Variants in CNST observed in about 807,000 individuals in gnomAD.
CNST encodes consortin, connexin sorting protein.
A neutral mutation model predicts 72.4 loss-of-function variants in CNST; 39 were observed. The ratio of observed to expected loss-of-function variants is 0.54; its 90% CI spans 0.42 to 0.70. The LOEUF is 0.70. CNST is among the 30% of genes least tolerant of loss of function. The pLI is 0.00. For missense variants in CNST, 871 were observed against 868.5 expected (o/e 1.00, Z -0.04); for synonymous variants, 332 against 320.1 (o/e 1.04, Z -0.40).
chr1:246,584,238 G>A (rs544999702), intron 1 of CNST, among the ~76,000 whole-genome samples: 6 of 152,308 alleles, frequency 3.9e-5, no homozygotes, highest in African/African-American at 1.4e-4. Flanking sequence ...TTCTTGTATA[G>A]GTATAAGAAT....
At chr1:246,663,336 T>C (rs1313775253) in intron 10 of CNST, among the ~76,000 whole-genome samples, 1 of 116,542 alleles carries the variant, frequency 8.6e-6, no homozygotes, top group Non-Finnish European at 1.8e-5. Context: ...ACCCTATGTC[T>C]AAAAAAAAAA....
chr1:246,614,059 A>C (rs1663519363), intron 2 of CNST, among the ~76,000 whole-genome samples: 1 of 152,062 alleles, frequency 6.6e-6, no homozygotes, highest in Non-Finnish European at 1.5e-5. Flanking sequence ...TTTATGCATC[A>C]GTAACACTAC....
At chr1:246,637,176 G>A (rs1306759959) in intron 6 of CNST, among the ~76,000 whole-genome samples, 1 of 152,226 alleles carries the variant, frequency 6.6e-6, no homozygotes, top group Non-Finnish European at 1.5e-5. Context: ...GGAGGAAGAA[G>A]TAGCCTTTGG....
intron 2 of CNST, among the ~76,000 whole-genome samples, chr1:246,596,174 A>G (rs944902138): frequency 6.6e-6 from 1 of 152,044 alleles, no homozygotes; most frequent in Admixed American, 6.6e-5. Context: ...GTAGCACTTT[A>G]AGAAGCCAAG....
At position 246,647,413 on chromosome 1, in the gene CNST, A is replaced by T; in HGVS notation, c.1212A>T (p.Gln404His). The T allele has an allele frequency of 6.2e-7, 1 of 1,614,126 alleles. No homozygotes were observed. Among genetic ancestry groups the T allele is most frequent in the South Asian group, 1.1e-5 (1 of 91,074 alleles). ...ATGACAGTCGCTTGCAGCTGGCTCA[A>T]ACAGAGGCCTGCCAGGATGTGGCCA... ...CEDDSRLQLAQTEACQDVARI... is the reference protein window; with the variant it reads ...CEDDSRLQLAHTEACQDVARI... The change falls in exon 9 of 11, where the codon CAA (glutamine) becomes CAT (histidine). Residue 404 changes from glutamine to histidine, a missense_variant. Coordinates refer to ENST00000366513, the MANE Select transcript of CNST (RefSeq NM_152609.3).
chr1:246,567,430 T>TA (rs1659782030), intron 1 of CNST, among the ~76,000 whole-genome samples: 1 of 152,030 alleles, frequency 6.6e-6, no homozygotes, highest in Admixed American at 6.6e-5. Context: ...GGATCAAACT[T>TA]AGAGCTTTTA....
intron 1 of CNST, among the ~76,000 whole-genome samples, chr1:246,584,682 G>T (rs773448577): frequency 6.6e-6 from 1 of 152,086 alleles, no homozygotes; most frequent in Non-Finnish European, 1.5e-5. Context: ...TCAGTAGACC[G>T]TCCCGGCAGC....
chr1:246,665,630 T>C (rs995906127), intron 10 of CNST, 70 bp from the exon 11 acceptor site: 4 of 1,285,122 alleles, frequency 3.1e-6, no homozygotes, highest in Non-Finnish European at 4.5e-6. Context: ...TCTTAATTAG[T>C]GAAAAGACAG....
At chr1:246,621,676 C>A in intron 3 of CNST, 42 bp downstream of exon 3, 1 of 1,508,800 alleles carries the variant, frequency 6.6e-7, no homozygotes, top group Non-Finnish European at 9.2e-7. Context: ...ACGAAAATTC[C>A]CCTAGCAGTG....
chr1:246,652,855 C>T (rs6426315), intron 9 of CNST, among the ~76,000 whole-genome samples: 127,336 of 141,750 alleles, frequency 0.9, 57,027 homozygotes, highest in Admixed American at 0.92. Context: ...ATACAAAAAA[C>T]TAGCCGGGCG....
chr1:246,599,976 CG>C (rs904453646), intron 2 of CNST, among the ~76,000 whole-genome samples: 1 of 152,114 alleles, frequency 6.6e-6, no homozygotes, highest in Non-Finnish European at 1.5e-5. Context: ...TCTAGCAAGA[CG>C]GGAGTCATAA....
chr1:246,645,356 C>G (rs1334631022), intron 8 of CNST, among the ~76,000 whole-genome samples: 1 of 149,436 alleles, frequency 6.7e-6, no homozygotes, highest in Non-Finnish European at 1.5e-5. Flanking sequence ...CATATTTTCT[C>G]TTTTATTTTC....
At chr1:246,655,272 T>C (rs1045354323) in intron 9 of CNST, among the ~76,000 whole-genome samples, 12 of 152,230 alleles carry the variant, frequency 7.9e-5, no homozygotes, top group African/African-American at 2.7e-4. Flanking sequence ...TCGACATTGA[T>C]GTACTTCATC....
intron 6 of CNST, among the ~76,000 whole-genome samples, chr1:246,637,440 G>A (rs912997016): frequency 5.9e-5 from 9 of 152,212 alleles, no homozygotes; most frequent in Non-Finnish European, 1.3e-4. Flanking sequence ...GATTAAGGAG[G>A]GTAAGTAATT....
In CNST at chr1:246,666,569, G is replaced by A. The variant is rs1281686202; in HGVS notation, c.*664G>A. 6.6e-6 allele frequency: 1 copy of A among 152,314 alleles called. No individual in the cohort carries two copies. Among genetic ancestry groups the A allele is most frequent in the Non-Finnish European group, 1.5e-5 (1 of 68,054 alleles). 9.4% of individuals were successfully genotyped at this position (152,314 alleles called of 1,614,324 possible). On this transcript the variant is annotated 3_prime_UTR_variant, in exon 11 of 11. Coordinates refer to ENST00000366513, the MANE Select transcript of CNST (RefSeq NM_152609.3). ...ACAAATCTTTGGAGAAGGCTTAACT[G>A]TGGAATAGATGAATTCTAGAACTCT...
intron 6 of CNST, among the ~76,000 whole-genome samples, chr1:246,640,621 G>A (rs963285402): frequency 2.6e-4 from 40 of 152,102 alleles, no homozygotes; most frequent in Non-Finnish European, 5.6e-4. Context: ...CCATTTTATG[G>A]ATAACTTTTT....
intron 1 of CNST, among the ~76,000 whole-genome samples, chr1:246,576,352 A>G (rs1462129554): frequency 7.1e-6 from 1 of 140,884 alleles, no homozygotes; most frequent in East Asian, 2.1e-4. Context: ...CCACTAGTGA[A>G]CAAAACTTTA....
intron 1 of CNST, among the ~76,000 whole-genome samples, chr1:246,573,052 TA>T (rs1660165707): frequency 6.6e-6 from 1 of 152,240 alleles, no homozygotes; most frequent in South Asian, 2.1e-4. Context: ...CTGGTTATGA[TA>T]TTGTGAAATG....
At chr1:246,586,141 G>GTGTA (rs1488972688) in intron 1 of CNST, among the ~76,000 whole-genome samples, 1,565 of 144,948 alleles carry the variant, frequency 0.011, 12 homozygotes, top group Non-Finnish European at 0.015. Context: ...GTGTGTGTGT[G>GTGTA]TATATATTAC....
Sources: gnomAD v4.1 joint callset for allele counts (sites outside exome capture counted in the v4.1 genomes callset) on GRCh38, gnomAD v4.1.1 for gene constraint, MANE v1.5 for transcripts, NCBI Gene and HGNC (gene_info 2026-07-23, HGNC 2026-07-21) for gene names.